Variants in ANK3 observed in about 807,000 individuals in gnomAD.
The protein encoded by ANK3 is ankyrin-3.
A neutral mutation model predicts 370.9 loss-of-function variants in ANK3; 57 were observed. The observed-to-expected ratio is 0.15, with a 90% CI of 0.12 to 0.19. ANK3 has a LOEUF of 0.19. Among genes scored for constraint, ANK3 ranks in the 10% least tolerant of loss-of-function variants. ANK3 has a pLI of 1.00. For missense variants in ANK3, 4,439 were observed against 5,302.1 expected, an observed-to-expected ratio of 0.84 and a Z score of 5.06; for synonymous variants, 1,929 against 1,946.3, an observed-to-expected ratio of 0.99 and a Z score of 0.23.
chr10:60,460,286 T>C (rs1302877143), intron 2 of ANK3, among the ~76,000 whole-genome samples: 2 of 152,064 alleles, frequency 1.3e-5, no homozygotes, highest in Admixed American at 6.6e-5. Flanking sequence ...GCAGATACAA[T>C]GACTCAGCTG....
intron 2 of ANK3, among the ~76,000 whole-genome samples, chr10:60,410,610 G>C (rs564018371): frequency 1.3e-4 from 20 of 152,250 alleles, no homozygotes; most frequent in African/African-American, 4.6e-4. Context: ...GGATGAAAGG[G>C]GATGCAGATT....
intron 18 of ANK3, among the ~76,000 whole-genome samples, chr10:60,177,651 G>GCAC (rs1179319858): frequency 7.4e-6 from 1 of 134,302 alleles, no homozygotes; most frequent in African/African-American, 2.8e-5. Context: ...AGGCTGGAGT[G>GCAC]CAGTGGTGCG....
Position 60,134,348 on chromosome 10 carries a change from A to G in ANK3, c.2764T>C (p.Ser922Pro). 1 of 1,613,720 alleles carries G rather than the reference A, an allele frequency of 6.2e-7. No homozygotes were observed. Among genetic ancestry groups the G allele is most frequent in the Non-Finnish European group, 8.5e-7 (1 of 1,179,848 alleles). Residue 922 changes from serine to proline, a missense_variant, in exon 25 of 44, where the codon TCT becomes CCT. Physicochemically the swap from Ser to Pro is moderately conservative, Grantham distance 74. This residue lies in a region of ANK3 where 702 missense variants were observed against 941.5 expected (regional missense o/e 0.75). Transcript: ENST00000280772. ...TAGGAGCTTCTGTTCAAGGTGTAAGACCTATCCGAACTGAAGGAGCGGAGG... is the reference window on the plus strand; with the variant it reads ...TAGGAGCTTCTGTTCAAGGTGTAAGGCCTATCCGAACTGAAGGAGCGGAGG... ...ASLRSFSSDR[S>P]YTLNRSSYAR...
intron 1 of ANK3, among the ~76,000 whole-genome samples, chr10:60,729,650 T>G (rs1427700468): frequency 6.6e-6 from 1 of 152,216 alleles, no homozygotes; most frequent in Non-Finnish European, 1.5e-5. Flanking sequence ...TTATTTCATA[T>G]TTTAAAGCTC....
At chr10:60,105,383 A>G (rs2092025059) in intron 28 of ANK3, among the ~76,000 whole-genome samples, 1 of 152,164 alleles carries the variant, frequency 6.6e-6, no homozygotes, top group African/African-American at 2.4e-5. Context: ...TACTAGGTCA[A>G]AGAATGAGAC....
intron 18 of ANK3, 116 bp downstream of exon 18, chr10:60,181,213 T>G (rs1386714324): frequency 2.9e-5 from 28 of 952,714 alleles, no homozygotes; most frequent in Non-Finnish European, 4.1e-5. Flanking sequence ...TTTAAAATAC[T>G]ACGTAGAAAA....
At chr10:60,152,063 G>A (rs1248401941) in intron 23 of ANK3, among the ~76,000 whole-genome samples, 1 of 152,132 alleles carries the variant, frequency 6.6e-6, no homozygotes, top group Non-Finnish European at 1.5e-5. Context: ...CCTGAGGGGG[G>A]ACAGAGACAC....
At chr10:60,689,372 C>T (rs1477774505) in intron 1 of ANK3, among the ~76,000 whole-genome samples, 1 of 151,964 alleles carries the variant, frequency 6.6e-6, no homozygotes, top group Non-Finnish European at 1.5e-5. Context: ...GCAGTGCAGC[C>T]TGAGCAACAG....
intron 2 of ANK3, among the ~76,000 whole-genome samples, chr10:60,540,595 G>A (rs977315099): frequency 2.0e-5 from 3 of 151,896 alleles, no homozygotes; most frequent in African/African-American, 7.2e-5. Context: ...GTACAGTGGG[G>A]AAGGTACATG....
At chr10:60,035,565 A>G (rs2131844452) in intron 43 of ANK3, among the ~76,000 whole-genome samples, 1 of 151,786 alleles carries the variant, frequency 6.6e-6, no homozygotes, top group Non-Finnish European at 1.5e-5. Flanking sequence ...AAAGAGAGCC[A>G]CAAAGCTTTT....
At chr10:60,422,336 C>T (rs796983960) in intron 2 of ANK3, among the ~76,000 whole-genome samples, 1 of 152,048 alleles carries the variant, frequency 6.6e-6, no homozygotes, top group South Asian at 2.1e-4. Context: ...CTTCTATGTA[C>T]AAAATTATTC....
chr10:60,163,755 G>C (rs971105612), intron 23 of ANK3, among the ~76,000 whole-genome samples: 2 of 151,450 alleles, frequency 1.3e-5, no homozygotes, highest in East Asian at 3.9e-4. Context: ...ATTATTTTTA[G>C]AATCAGATTA....
chr10:60,074,147 T>A lies in ANK3; in HGVS notation c.6734A>T (p.His2245Leu). ...SKGMRVKEET[H>L]ITTTTRMVYH... ...AACCATTCTGGTGGTTGTGGTTATGTGAGTCTCTTCTTTAACACGCATGCC... is the reference window on the plus strand; with the variant it reads ...AACCATTCTGGTGGTTGTGGTTATGAGAGTCTCTTCTTTAACACGCATGCC... Residue 2245 changes from histidine to leucine, a missense_variant, in exon 37 of 44, where the codon CAC becomes CTC. Physicochemically the swap from His to Leu is moderately conservative, Grantham distance 99. Transcript: ENST00000280772. 5.0e-6 allele frequency: 8 copies of A among 1,613,918 alleles called. No individual in the cohort carries two copies. The highest frequency in any genetic ancestry group is 6.8e-6 in the Non-Finnish European group (8 of 1,179,946).
In ANK3 at chr10:60,059,387, A is replaced by G. The variant is rs199547734; in HGVS notation, c.12639T>C (p.Ala4213=). 1 of 1,614,096 alleles carries G rather than the reference A, an allele frequency of 6.2e-7. No homozygotes were observed. The highest frequency in any genetic ancestry group is 8.5e-7 in the Non-Finnish European group (1 of 1,180,004). The stretch of plus-strand genomic sequence containing the variant: ...ACCCACCAGTTACTCTTCGAGCTTG[A>G]GCGCAGGACTCTAGGTTTCCACTTG... ...ETSSGNLESC[A]QARRVTGGLL... is the part of the protein sequence containing the mutation. Residue 4213 remains alanine, a synonymous_variant, in exon 41 of 44, where the codon GCT becomes GCC. Transcript: ENST00000280772.
chr10:60,121,047 G>A (rs1226323925), intron 25 of ANK3, among the ~76,000 whole-genome samples: 1 of 152,134 alleles, frequency 6.6e-6, no homozygotes, highest in African/African-American at 2.4e-5. Context: ...CCAAGATTTG[G>A]AAGCAACCTA....
intron 1 of ANK3, among the ~76,000 whole-genome samples, chr10:60,328,744 A>G (rs2050493899): frequency 6.6e-6 from 1 of 152,176 alleles, no homozygotes; most frequent in Admixed American, 6.5e-5. Flanking sequence ...TATTCCAAAC[A>G]ATAGAAAAAG....
Position 60,071,936 on chromosome 10 carries a change from T to C in ANK3, c.8945A>G (p.Gln2982Arg). 1 of 1,614,142 alleles carries C rather than the reference T, an allele frequency of 6.2e-7. No individual in the cohort carries two copies. Among genetic ancestry groups the C allele is most frequent in the Non-Finnish European group, 8.5e-7 (1 of 1,180,010 alleles). Residue 2982 changes from glutamine to arginine, a missense_variant, in exon 37 of 44, where the codon CAG becomes CGG. Physicochemically the swap from Gln to Arg is conservative, Grantham distance 43. Coordinates refer to ENST00000280772, the MANE Select transcript of ANK3 (RefSeq NM_020987.5). Reference protein sequence around the residue: ...SSNIPDGFCEQSAFPKHELSQ... With the variant: ...SSNIPDGFCERSAFPKHELSQ... ...TAGTTCATGTTTTGGAAATGCCGAC[T>C]GTTCACAAAAACCATCGGGAATATT...
At chr10:60,606,110 A>T (rs1816606021) in intron 2 of ANK3, among the ~76,000 whole-genome samples, 1 of 152,176 alleles carries the variant, frequency 6.6e-6, no homozygotes, top group Non-Finnish European at 1.5e-5. Context: ...GTTGATGAGT[A>T]GCAATATTGA....
At chr10:60,166,233 T>A (rs1216258798) in intron 23 of ANK3, among the ~76,000 whole-genome samples, 1 of 152,146 alleles carries the variant, frequency 6.6e-6, no homozygotes, top group Non-Finnish European at 1.5e-5. Flanking sequence ...TCGCTTGTTT[T>A]AAAAAATATT....
Sources: allele counts gnomAD v4.1 joint callset (sites outside exome capture counted in the v4.1 genomes callset), GRCh38; gene constraint gnomAD v4.1.1; regional missense constraint gnomAD v4.1.1; transcripts MANE v1.5; gene names NCBI Gene and HGNC (gene_info 2026-07-23, HGNC 2026-07-21).